The following MOB1B variants were observed in gnomAD, a reference collection of about 807,000 sequenced individuals.
The protein encoded by MOB1B is MOB kinase activator 1B.
MOB1B carries 19 observed loss-of-function variants against 24.4 expected under a neutral mutation model. The ratio of observed to expected loss-of-function variants is 0.78; its 90% confidence interval spans 0.54 to 1.14. MOB1B has a LOEUF of 1.14. Among genes scored for constraint, MOB1B ranks in the 50% most tolerant of loss-of-function variants. MOB1B has a pLI of 0.00. For synonymous variants in MOB1B, 76 were observed against 82.1 expected, an observed-to-expected ratio of 0.93 and a Z score of 0.40; for missense variants, 243 against 259.6, an observed-to-expected ratio of 0.94 and a Z score of 0.44.
intron 1 of MOB1B, among the ~76,000 whole-genome samples, chr4:70,951,994 G>A (rs1737828757): frequency 6.6e-6 from 1 of 152,186 alleles, no homozygotes. Flanking sequence ...GCTCCCATAT[G>A]TTGTTAATGG....
chr4:70,951,803 AT>A (rs1737818265), intron 1 of MOB1B, among the ~76,000 whole-genome samples: 1 of 152,232 alleles, frequency 6.6e-6, no homozygotes, highest in South Asian at 2.1e-4. Flanking sequence ...AGGTGGGAGG[AT>A]CACTTGAGCC....
intron 1 of MOB1B, among the ~76,000 whole-genome samples, chr4:70,937,198 G>A (rs563506824): frequency 1.3e-4 from 20 of 152,146 alleles, no homozygotes; most frequent in African/African-American, 4.6e-4. Context: ...GATTACAGGC[G>A]TGAGCCACCT....
chr4:70,902,980 A>G (rs1478518395), intron 1 of MOB1B, among the ~76,000 whole-genome samples: 3 of 152,212 alleles, frequency 2.0e-5, no homozygotes, highest in South Asian at 2.1e-4. Context: ...TCCCAAGCAC[A>G]GAAGATAAGA....
At chr4:70,917,456 A>G (rs751268913) in intron 1 of MOB1B, among the ~76,000 whole-genome samples, 33 of 152,168 alleles carry the variant, frequency 2.2e-4, no homozygotes, top group Admixed American at 7.9e-4. Context: ...CTTGGGAGAA[A>G]TTTCCTTGGT....
chr4:70,907,558 T>C (rs1039810099), intron 1 of MOB1B, among the ~76,000 whole-genome samples: 2 of 152,130 alleles, frequency 1.3e-5, no homozygotes, highest in Non-Finnish European at 2.9e-5. Flanking sequence ...CCGAGGACGG[T>C]GGTGGCTCAT....
chr4:70,957,160 T>A (rs1286568523), intron 1 of MOB1B, among the ~76,000 whole-genome samples: 2 of 149,850 alleles, frequency 1.3e-5, no homozygotes, highest in East Asian at 3.9e-4. Flanking sequence ...CCTAGATGTT[T>A]TTGATGATGT....
chr4:70,966,019 A>T (rs1189507216), intron 2 of MOB1B, among the ~76,000 whole-genome samples: 1 of 152,134 alleles, frequency 6.6e-6, no homozygotes, highest in Non-Finnish European at 1.5e-5. Context: ...CCATGAAACA[A>T]GGAAGAAATA....
In MOB1B at chr4:70,985,505, T is replaced by G. The variant is rs1232654692; in HGVS notation, c.*3448T>G. On this transcript the variant is annotated 3_prime_UTR_variant, in exon 6 of 6. Transcript: ENST00000309395. Reference sequence around the variant, plus strand: ...ACTTTTGGCAGCTTAATATGACCTTTTTAAATTTTTTTTATTTTTTTTATT... The same window carrying G: ...ACTTTTGGCAGCTTAATATGACCTTGTTAAATTTTTTTTATTTTTTTTATT... 1 of 152,130 alleles carries G rather than the reference T, an allele frequency of 6.6e-6. No individual in the cohort carries two copies. Among genetic ancestry groups the G allele is most frequent in the African/African-American group, 2.4e-5 (1 of 41,436 alleles). 9.4% of individuals were successfully genotyped at this position (152,130 alleles called of 1,614,324 possible). A position where few individuals can be genotyped will look rare whatever the true frequency, so the allele number is the denominator to read the frequency against.
At chr4:70,947,454 C>G (rs952955684) in intron 1 of MOB1B, among the ~76,000 whole-genome samples, 2 of 151,834 alleles carry the variant, frequency 1.3e-5, no homozygotes, top group Admixed American at 6.6e-5. Context: ...TTTTCCCCCC[C>G]GCCAGAGATG....
intron 2 of MOB1B, among the ~76,000 whole-genome samples, chr4:70,961,339 G>T (rs1738296774): frequency 6.6e-6 from 1 of 152,174 alleles, no homozygotes; most frequent in African/African-American, 2.4e-5. Context: ...GCTAGACAGA[G>T]GGATGATTCA....
At chr4:70,962,531 G>A (rs1211580773) in intron 2 of MOB1B, among the ~76,000 whole-genome samples, 2 of 151,462 alleles carry the variant, frequency 1.3e-5, no homozygotes, top group African/African-American at 2.4e-5. Flanking sequence ...ACACCTTTCA[G>A]AAAAATTAGC....
chr4:70,902,534 A>T lies in MOB1B; in HGVS notation c.-3A>T. On this transcript the variant is annotated 5_prime_UTR_variant, in exon 1 of 6. Transcript: ENST00000309395. ...CGAGCCTGCAGCCTGCCCCGCGGCCAACATGAGCTTCTTGTTGTGAGTAGC... is the reference window on the plus strand; with the variant it reads ...CGAGCCTGCAGCCTGCCCCGCGGCCTACATGAGCTTCTTGTTGTGAGTAGC... 1 of 1,565,436 alleles carries T rather than the reference A, an allele frequency of 6.4e-7. No individual in the cohort carries two copies. The highest frequency in any genetic ancestry group is 8.7e-7 in the Non-Finnish European group (1 of 1,155,780).
rs920185174 is a variant in MOB1B, at chr4:70,902,600, C to T, written c.14+50C>T. 6 of 1,499,416 alleles carry T rather than the reference C, an allele frequency of 4.0e-6. No individual in the cohort carries two copies. The African/African-American group carries it at 7.7e-5, about 19-fold the overall frequency. 92.9% of individuals were successfully genotyped at this position (1,499,416 alleles called of 1,614,324 possible). On this transcript the variant is annotated intron_variant, in intron 1 of 5. Coordinates refer to ENST00000309395, the MANE Select transcript of MOB1B (RefSeq NM_173468.4). The stretch of plus-strand genomic sequence containing the variant: ...CCGGCTTTGTTCGGGTGGACCTGGG[C>T]CCCCGCCCGCCGCCCGCCGCCCGTC...
At chr4:70,954,562 T>G (rs763967847) in intron 1 of MOB1B, among the ~76,000 whole-genome samples, 1 of 149,116 alleles carries the variant, frequency 6.7e-6, no homozygotes, top group Non-Finnish European at 1.5e-5. Context: ...TTCAAGCAAT[T>G]CTCCTGCCTC....
At chr4:70,952,305 T>C (rs1325617277) in intron 1 of MOB1B, among the ~76,000 whole-genome samples, 1 of 152,018 alleles carries the variant, frequency 6.6e-6, no homozygotes, top group Non-Finnish European at 1.5e-5. Flanking sequence ...CTTCTGGATA[T>C]GTTAAGTGAA....
chr4:70,930,838 C>G (rs572228031), intron 1 of MOB1B, among the ~76,000 whole-genome samples: 6 of 151,964 alleles, frequency 3.9e-5, no homozygotes, highest in Non-Finnish European at 7.4e-5. Context: ...TTTAAATGGT[C>G]AGAGTCGAAA....
At chr4:70,909,137 T>C (rs1340705821) in intron 1 of MOB1B, among the ~76,000 whole-genome samples, 2 of 152,024 alleles carry the variant, frequency 1.3e-5, no homozygotes, top group Non-Finnish European at 2.9e-5. Flanking sequence ...CTCTAGACTC[T>C]TGATGGTGCT....
Position 70,953,389 on chromosome 4 carries a change from C to T in MOB1B, c.15-5485C>T, listed in dbSNP as rs1374584084. Among the ~76,000 whole-genome samples, 5 of 151,994 alleles carry T rather than the reference C, an allele frequency of 3.3e-5. 1 individual carries two copies. The highest frequency in any genetic ancestry group is 4.2e-4 in the South Asian group (2 of 4,802). On this transcript the variant is annotated intron_variant, in intron 1 of 5. Coordinates refer to ENST00000309395, the MANE Select transcript of MOB1B (RefSeq NM_173468.4). ...AAAAGAGTATTTTTTAAAAGTATTA[C>T]GTGGTTAGAGTATTCTGCAGGAATA...
intron 1 of MOB1B, among the ~76,000 whole-genome samples, chr4:70,915,762 A>G (rs1381136760): frequency 6.7e-6 from 1 of 149,752 alleles, no homozygotes; most frequent in African/African-American, 2.5e-5. Flanking sequence ...AGCTTGTTTC[A>G]TGCTGGCTTG....
Sources: allele counts gnomAD v4.1 joint callset (sites outside exome capture counted in the v4.1 genomes callset), GRCh38; gene constraint gnomAD v4.1.1; transcripts MANE v1.5; gene names NCBI Gene and HGNC (gene_info 2026-07-23, HGNC 2026-07-21).